EYS: variants seen among roughly 807,000 people sequenced by gnomAD.
EYS encodes the protein EGF-like photoreceptor maintenance factor.
Under a neutral mutation model 282.1 loss-of-function variants are expected in EYS, and 250 were observed. That is an observed-to-expected ratio of 0.89 (90% CI 0.80 to 0.98). The LOEUF is 0.98. EYS is among the 50% of genes least tolerant of loss of function. The pLI is 0.00. For synonymous variants in EYS, 1,355 were observed against 1,282.9 expected (o/e 1.06, Z -1.20); for missense variants, 4,016 against 3,709.0 (o/e 1.08, Z -2.15).
chr6:64,008,931 C>T (rs910195791), intron 33 of EYS, among the ~76,000 whole-genome samples: 4 of 152,102 alleles, frequency 2.6e-5, no homozygotes, highest in South Asian at 2.1e-4. Flanking sequence ...GAGAATCTGA[C>T]GACTATGTGT....
chr6:64,270,388 G>A (rs187675094), intron 30 of EYS, among the ~76,000 whole-genome samples: 69 of 151,992 alleles, frequency 4.5e-4, no homozygotes, highest in African/African-American at 1.6e-3. Flanking sequence ...GGGGTGGGGG[G>A]AATGGGCAAT....
At chr6:63,963,809 T>C (rs1490188887) in intron 35 of EYS, among the ~76,000 whole-genome samples, 1 of 152,174 alleles carries the variant, frequency 6.6e-6, no homozygotes, top group Non-Finnish European at 1.5e-5. Flanking sequence ...ACAAGCAAAG[T>C]CTAATTACTG....
intron 1 of EYS, among the ~76,000 whole-genome samples, chr6:65,651,020 T>C (rs1303748897): frequency 6.6e-6 from 1 of 152,124 alleles, no homozygotes; most frequent in Non-Finnish European, 1.5e-5. Flanking sequence ...ATGAAAGTGC[T>C]GGATAACAAG....
At chr6:64,464,807 T>C (rs906528104) in intron 26 of EYS, among the ~76,000 whole-genome samples, 1 of 151,918 alleles carries the variant, frequency 6.6e-6, no homozygotes, top group African/African-American at 2.4e-5. Flanking sequence ...AGAGAAAAAA[T>C]ATTTCATCTT....
At chr6:64,855,604 A>G (rs944544254) in intron 19 of EYS, among the ~76,000 whole-genome samples, 3 of 152,158 alleles carry the variant, frequency 2.0e-5, no homozygotes, top group African/African-American at 4.8e-5. Context: ...TACATTAACC[A>G]CAATGATGAT....
intron 12 of EYS, among the ~76,000 whole-genome samples, chr6:65,067,046 T>C (rs906850988): frequency 2.0e-4 from 30 of 152,140 alleles, no homozygotes; most frequent in Admixed American, 7.2e-4. Context: ...GGCAATATAC[T>C]TTCAAGAATT....
chr6:64,475,927 C>T (rs966105341), intron 26 of EYS, among the ~76,000 whole-genome samples: 1 of 152,092 alleles, frequency 6.6e-6, no homozygotes, highest in Non-Finnish European at 1.5e-5. Context: ...GCTAAGGCTA[C>T]AGGTACATGC....
At position 65,639,787 on chromosome 6, in the gene EYS, A is replaced by G. The variant is rs557146196; in HGVS notation, c.-342T>C. ...GGACTCTTATCCTTACCTCAAGTAC[A>G]CAGGTTCCGTTGCTGTTTGAGATCA... On this transcript the variant is annotated 5_prime_UTR_variant, in exon 2 of 43. Transcript: ENST00000503581. 1 of 152,302 alleles carries G rather than the reference A, an allele frequency of 6.6e-6. No homozygotes were observed. Among genetic ancestry groups the G allele is most frequent in the South Asian group, 2.1e-4 (1 of 4,830 alleles). 9.4% of individuals were successfully genotyped at this position (152,302 alleles called of 1,614,324 possible).
At chr6:65,036,400 C>T (rs964419857) in intron 13 of EYS, among the ~76,000 whole-genome samples, 7 of 151,702 alleles carry the variant, frequency 4.6e-5, no homozygotes, top group African/African-American at 1.7e-4. Flanking sequence ...CTAGGAAATA[C>T]CATTCTGAAA....
At chr6:64,131,157 G>C (rs1773965397) in intron 31 of EYS, among the ~76,000 whole-genome samples, 1 of 152,120 alleles carries the variant, frequency 6.6e-6, no homozygotes. Context: ...ATGAGCCACT[G>C]GACCCGGTGT....
chr6:63,768,719 G>C (rs1278180205), intron 40 of EYS, among the ~76,000 whole-genome samples: 4 of 152,028 alleles, frequency 2.6e-5, no homozygotes, highest in African/African-American at 9.7e-5. Context: ...TACCATTACT[G>C]GCTATATACC....
chr6:65,456,597 G>A (rs184470839), intron 5 of EYS, among the ~76,000 whole-genome samples: 113 of 152,068 alleles, frequency 7.4e-4, no homozygotes, highest in Admixed American at 9.2e-4. Flanking sequence ...GGCATGCAAT[G>A]AGGGTTTAAT....
At chr6:64,044,494 A>G (rs761325606) in intron 33 of EYS, among the ~76,000 whole-genome samples, 1 of 152,180 alleles carries the variant, frequency 6.6e-6, no homozygotes, top group Non-Finnish European at 1.5e-5. Flanking sequence ...TTATGAGGTA[A>G]AGCACTCATG....
intron 18 of EYS, among the ~76,000 whole-genome samples, chr6:64,887,370 T>C (rs2150063716): frequency 6.6e-6 from 1 of 152,030 alleles, no homozygotes; most frequent in African/African-American, 2.4e-5. Flanking sequence ...ACATGGCACA[T>C]GTATACATAT....
chr6:65,685,807 G>A (rs915819084), intron 1 of EYS, among the ~76,000 whole-genome samples: 33 of 151,920 alleles, frequency 2.2e-4, no homozygotes, highest in African/African-American at 7.7e-4. Context: ...TCACATTCTA[G>A]AAGGTACAAC....
At position 63,760,654 on chromosome 6, in the gene EYS, ATC is replaced by A. The variant is rs1769610556; in HGVS notation, c.8071+1805_8071+1806del. ...CATATGTATGTATGTATGTATATCT[ATC>A]TATCTATCTATCTATCTATCTATCT... On this transcript the variant is annotated intron_variant, in intron 41 of 42. Coordinates refer to ENST00000503581, the MANE Select transcript of EYS (RefSeq NM_001142800.2). Among the ~76,000 whole-genome samples, 212 of 31,336 alleles carry A rather than the reference ATC, an allele frequency of 6.8e-3. 2 individuals are homozygous for A. Among genetic ancestry groups the A allele is most frequent in the African/African-American group, 0.021 (202 of 9,816 alleles). 20.6% of individuals were successfully genotyped at this position (31,336 alleles called of 152,430 possible). A position where few individuals can be genotyped will look rare whatever the true frequency, so the allele number is the denominator to read the frequency against.
rs145176771 is a variant in EYS at position 64,830,299 on chromosome 6, C to T, written c.2993-7477G>A. On this transcript the variant is annotated intron_variant, in intron 19 of 42. Transcript: ENST00000503581. ...TGTTATTTATAAGCTACCCAGTCTA[C>T]GGGATTTTGTGATAGAAGCTCAAAT... 2.0e-3 allele frequency among the ~76,000 whole-genome samples: 311 copies of T among 151,922 alleles called. 3 individuals carry two copies. Among genetic ancestry groups the T allele is most frequent in the African/African-American group, 6.8e-3 (280 of 41,458 alleles).
chr6:64,449,269 A>G (rs1775229115), intron 26 of EYS, among the ~76,000 whole-genome samples: 1 of 152,198 alleles, frequency 6.6e-6, no homozygotes, highest in African/African-American at 2.4e-5. Flanking sequence ...ATGGAAGACG[A>G]AATGAATGAA....
intron 30 of EYS, among the ~76,000 whole-genome samples, chr6:64,232,387 T>C (rs1380642262): frequency 6.6e-6 from 1 of 152,064 alleles, no homozygotes; most frequent in Non-Finnish European, 1.5e-5. Context: ...CTTTCTGTTA[T>C]TGTTGTTGTT....
Sources: allele counts gnomAD v4.1 joint callset (sites outside exome capture counted in the v4.1 genomes callset), GRCh38; gene constraint gnomAD v4.1.1; transcripts MANE v1.5; gene names NCBI Gene and HGNC (gene_info 2026-07-23, HGNC 2026-07-21).